SIRT5: variants seen among roughly 807,000 people sequenced by gnomAD.
SIRT5 encodes NAD-dependent protein deacylase sirtuin-5, mitochondrial.
In SIRT5, 26 loss-of-function variants were observed where a neutral mutation model predicts 40.0. The ratio of observed to expected loss-of-function variants is 0.65; its 90% CI spans 0.48 to 0.90. The LOEUF (loss-of-function observed/expected upper bound fraction) is 0.90. SIRT5 is among the 40% of genes least tolerant of loss of function. The probability of loss-of-function intolerance (pLI) is 0.00; values close to 1 mark genes in which losing one functional copy is unlikely to be tolerated. For synonymous variants in SIRT5, 146 were observed against 149.1 expected, an observed-to-expected ratio of 0.98 and a Z score of 0.15; for missense variants, 401 against 402.4, an observed-to-expected ratio of 1.00 and a Z score of 0.03.
chr6:13,588,904 A>G (rs1388672376), intron 4 of SIRT5, among the ~76,000 whole-genome samples: 3 of 152,210 alleles, frequency 2.0e-5, no homozygotes, highest in Non-Finnish European at 4.4e-5. Flanking sequence ...AGTTCTGTGA[A>G]GGTGCGGATT....
chr6:13,601,699 A>G (rs1459607416), intron 9 of SIRT5, among the ~76,000 whole-genome samples: 1 of 152,122 alleles, frequency 6.6e-6, no homozygotes, highest in Admixed American at 6.5e-5. Flanking sequence ...AAAAATACTG[A>G]TGCCTGGGTG....
intron 8 of SIRT5, 94 bp from the exon 9 acceptor site, chr6:13,600,740 C>T: frequency 3.0e-6 from 3 of 987,618 alleles, no homozygotes; most frequent in South Asian, 1.6e-5. Context: ...CCTGCAACCA[C>T]AGACCTGCCT....
rs949234247 is a variant in SIRT5, at chr6:13,614,270, G to A, written c.*2405G>A. ...GCAGAAACTACACAGACATTTGTGC[G>A]GGTTCAGACCAGCGCAATTAGAGAT... On this transcript the variant is annotated 3_prime_UTR_variant, in exon 10 of 10. Coordinates refer to ENST00000606117, the MANE Select transcript of SIRT5 (RefSeq NM_012241.5). The A allele has an allele frequency of 6.6e-6, 1 of 152,182 alleles. No individual in the cohort carries two copies. The highest frequency in any genetic ancestry group is 2.4e-5 in the African/African-American group (1 of 41,422). 9.4% of individuals were successfully genotyped at this position (152,182 alleles called of 1,614,324 possible).
In SIRT5 at chr6:13,581,102, A is replaced by G. The variant is rs191006085; in HGVS notation, c.-36+1493A>G. Among the ~76,000 whole-genome samples, 113 of 152,324 alleles carry G rather than the reference A, an allele frequency of 7.4e-4. 1 individual carries two copies. The East Asian group carries it at 0.013, about 17-fold the overall frequency. ...TCACATCTTACCTAACTAGAGTGCA[A>G]TGATCTAAACCAGGACAAGTACTAC... On this transcript the variant is annotated intron_variant, in intron 2 of 9. Coordinates refer to ENST00000606117, the MANE Select transcript of SIRT5 (RefSeq NM_012241.5).
intron 5 of SIRT5, among the ~76,000 whole-genome samples, chr6:13,592,866 G>T (rs905966772): frequency 8.1e-6 from 1 of 123,128 alleles, no homozygotes; most frequent in African/African-American, 2.8e-5. Flanking sequence ...TCCAAGGAAT[G>T]CATTTCTTAT....
chr6:13,590,997 G>A (rs757009957), intron 4 of SIRT5, among the ~76,000 whole-genome samples: 23 of 151,686 alleles, frequency 1.5e-4, no homozygotes, highest in Admixed American at 6.6e-5. Flanking sequence ...GTATAGTTGT[G>A]TGGATGTAGA....
rs375343639 is a variant in SIRT5, at chr6:13,599,163, A to G, written c.741+8A>G. 5.6e-6 allele frequency: 9 copies of G among 1,613,114 alleles called. No homozygotes were observed. In the African/African-American group the frequency reaches 1.2e-4, roughly 22 times the overall value. On this transcript the variant is annotated splice_region_variant and intron_variant, in intron 8 of 9. Transcript: ENST00000606117. Reference sequence around the variant, plus strand: ...TGTGATTTATGTCTAGTGGTGGGTCATGCCCTTCCCTAACCCCAGGACAGG... The same window carrying G: ...TGTGATTTATGTCTAGTGGTGGGTCGTGCCCTTCCCTAACCCCAGGACAGG...
At position 13,612,033 on chromosome 6, in the gene SIRT5, A is replaced by G; in HGVS notation, c.*168A>G. ...AAGTGATGGGGGTTTAGAAGTAGCAAAGAGCACCCACATTCAAAAGTCACA... is the reference window on the plus strand; with the variant it reads ...AAGTGATGGGGGTTTAGAAGTAGCAGAGAGCACCCACATTCAAAAGTCACA... On this transcript the variant is annotated 3_prime_UTR_variant, in exon 10 of 10. Transcript: ENST00000606117. 1 of 512,394 alleles carries G rather than the reference A, an allele frequency of 2.0e-6. No individual in the cohort carries two copies. The highest frequency in any genetic ancestry group is 3.4e-6 in the Non-Finnish European group (1 of 292,524). 31.7% of individuals were successfully genotyped at this position (512,394 alleles called of 1,614,324 possible).
chr6:13,596,354 T>C (rs1012480701), intron 6 of SIRT5, among the ~76,000 whole-genome samples: 6 of 152,184 alleles, frequency 3.9e-5, no homozygotes, highest in African/African-American at 1.2e-4. Context: ...ATAAGGACTA[T>C]ATAATGTCAT....
chr6:13,611,704 C>T, intron 9 of SIRT5, 86 bp from the exon 10 acceptor site: 2 of 983,280 alleles, frequency 2.0e-6, no homozygotes, highest in Non-Finnish European at 3.3e-6. Flanking sequence ...TCGGCTATTA[C>T]TTCAGAAATA....
intron 8 of SIRT5, among the ~76,000 whole-genome samples, chr6:13,599,815 CCTCT>C (rs1762124576): frequency 6.6e-6 from 1 of 152,172 alleles, no homozygotes; most frequent in African/African-American, 2.4e-5. Flanking sequence ...AGTTTGCCCA[CCTCT>C]GGTCTAAACC....
intron 1 of SIRT5, among the ~76,000 whole-genome samples, chr6:13,578,121 T>A (rs1379187322): frequency 1.3e-5 from 2 of 152,346 alleles, no homozygotes; most frequent in African/African-American, 4.8e-5. Context: ...GATTTGTGTA[T>A]GTTGAGCCAT....
chr6:13,576,966 T>C (rs2127598401), intron 1 of SIRT5, among the ~76,000 whole-genome samples: 1 of 152,334 alleles, frequency 6.6e-6, no homozygotes, highest in South Asian at 2.1e-4. Flanking sequence ...CTGTAAATAC[T>C]TGGGCTTATT....
intron 1 of SIRT5, among the ~76,000 whole-genome samples, chr6:13,575,810 T>C (rs1286656944): frequency 6.6e-6 from 1 of 152,176 alleles, no homozygotes; most frequent in African/African-American, 2.4e-5. Context: ...CCCTTCCACA[T>C]CAGCCCTCTG....
chr6:13,575,077 G>C (rs1758419709), intron 1 of SIRT5, among the ~76,000 whole-genome samples: 1 of 152,134 alleles, frequency 6.6e-6, no homozygotes. Context: ...CTAGTCCCTG[G>C]GCACGAGTAG....
Position 13,613,130 on chromosome 6 carries a change from T to C in SIRT5, c.*1265T>C, listed in dbSNP as rs1246529886. The C allele has an allele frequency of 6.6e-6, 1 of 152,244 alleles. No homozygotes were observed. The highest frequency in any genetic ancestry group is 2.1e-4 in the South Asian group (1 of 4,830). 9.4% of individuals were successfully genotyped at this position (152,244 alleles called of 1,614,324 possible). On this transcript the variant is annotated 3_prime_UTR_variant, in exon 10 of 10. Coordinates refer to ENST00000606117, the MANE Select transcript of SIRT5 (RefSeq NM_012241.5). The stretch of plus-strand genomic sequence containing the variant: ...GGCTGGACAGAACTGCAACCACTTA[T>C]AAAAAGCATGCAGTTTACATAGCAC...
At chr6:13,592,054 G>C (rs1438308073) in intron 5 of SIRT5, among the ~76,000 whole-genome samples, 160 bp downstream of exon 5, 2 of 152,170 alleles carry the variant, frequency 1.3e-5, no homozygotes, top group African/African-American at 2.4e-5. Flanking sequence ...AGTGTCCCGT[G>C]GCACCTGGGC....
chr6:13,614,343 G>A lies in SIRT5; in HGVS notation c.*2478G>A, dbSNP rs1303561605. 1 of 152,228 alleles carries A rather than the reference G, an allele frequency of 6.6e-6. No individual in the cohort carries two copies. The highest frequency in any genetic ancestry group is 1.5e-5 in the Non-Finnish European group (1 of 68,060). 9.4% of individuals were successfully genotyped at this position (152,228 alleles called of 1,614,324 possible). A position where few individuals can be genotyped will look rare whatever the true frequency, so the allele number is the denominator to read the frequency against. Reference sequence around the variant, plus strand: ...GGTAAGGTGCTTGAAATTTGCCTGGGTGGGAATTTTTGAAGTATAAAAAGG... The same window carrying A: ...GGTAAGGTGCTTGAAATTTGCCTGGATGGGAATTTTTGAAGTATAAAAAGG... On this transcript the variant is annotated 3_prime_UTR_variant, in exon 10 of 10. Transcript: ENST00000606117.
chr6:13,583,999 ATATT>A lies in SIRT5; in HGVS notation c.-35-73_-35-70del, dbSNP rs1316390057. On this transcript the variant is annotated intron_variant, in intron 2 of 9. Coordinates refer to ENST00000606117, the MANE Select transcript of SIRT5 (RefSeq NM_012241.5). ...CGTTTCTGTAATATATAAAATATAA[ATATT>A]TATACATATTTCCATATATAAAAAT... 8 of 574,208 alleles carry A rather than the reference ATATT, an allele frequency of 1.4e-5. No individual in the cohort carries two copies. The African/African-American group carries it at 1.5e-4, about 11-fold the overall frequency. The allele number at this position is 574,208 out of a possible 1,614,324, so 35.6% of individuals were successfully genotyped here. A position where few individuals can be genotyped will look rare whatever the true frequency, so the allele number is the denominator to read the frequency against.
Sources: gnomAD v4.1 joint callset for allele counts (sites outside exome capture counted in the v4.1 genomes callset) on GRCh38, gnomAD v4.1.1 for gene constraint, MANE v1.5 for transcripts, NCBI Gene and HGNC (gene_info 2026-07-23, HGNC 2026-07-21) for gene names.